The following CA10 variants were observed in gnomAD, a reference collection of about 807,000 sequenced individuals.
CA10 encodes carbonic anhydrase-related protein 10.
A neutral mutation model predicts 44.2 loss-of-function variants in CA10; 14 were observed. That is an observed-to-expected ratio of 0.32 (90% confidence interval 0.21 to 0.50). The LOEUF (loss-of-function observed/expected upper bound fraction) is 0.50. CA10 is among the 20% of genes least tolerant of loss of function. The pLI is 0.99. For synonymous variants in CA10, 159 were observed against 141.6 expected (o/e 1.12, Z -0.87); for missense variants, 350 against 409.7 (o/e 0.85, Z 1.26).
At chr17:51,880,390 C>T (rs569250581) in intron 3 of CA10, among the ~76,000 whole-genome samples, 3 of 152,206 alleles carry the variant, frequency 2.0e-5, no homozygotes, top group African/African-American at 4.8e-5. Flanking sequence ...CACTGCAACC[C>T]CATTTCCAGG....
chr17:51,733,825 G>C (rs1048542409), intron 4 of CA10, among the ~76,000 whole-genome samples: 2 of 152,158 alleles, frequency 1.3e-5, no homozygotes, highest in Admixed American at 1.3e-4. Context: ...AATTCCTGGG[G>C]TTGCTTCCTA....
chr17:51,725,910 C>G (rs1395530065), intron 4 of CA10, among the ~76,000 whole-genome samples: 1 of 152,130 alleles, frequency 6.6e-6, no homozygotes, highest in East Asian at 1.9e-4. Context: ...GGAAGACCCT[C>G]TAGGTACAAA....
chr17:52,006,996 ATAGT>A (rs1985623242), intron 2 of CA10, among the ~76,000 whole-genome samples: 1 of 151,692 alleles, frequency 6.6e-6, no homozygotes, highest in African/African-American at 2.4e-5. Context: ...TATTATGTAC[ATAGT>A]TAGAGGTTCC....
At chr17:51,779,842 C>G (rs900194256) in intron 3 of CA10, among the ~76,000 whole-genome samples, 16 of 152,074 alleles carry the variant, frequency 1.1e-4, no homozygotes, top group Non-Finnish European at 2.2e-4. Context: ...GGGAATGTGC[C>G]TCAGGAGAAG....
chr17:51,970,810 G>A (rs1304081099), intron 2 of CA10, among the ~76,000 whole-genome samples: 1 of 151,912 alleles, frequency 6.6e-6, no homozygotes, highest in Non-Finnish European at 1.5e-5. Flanking sequence ...TAAAAATAAA[G>A]TCACATTTAT....
intron 3 of CA10, among the ~76,000 whole-genome samples, chr17:51,852,252 G>A (rs1303358905): frequency 6.6e-6 from 1 of 152,106 alleles, no homozygotes; most frequent in Admixed American, 6.5e-5. Context: ...GCCCAGTTCC[G>A]TTCAAAGAGA....
chr17:51,786,839 G>C (rs893047074), intron 3 of CA10, among the ~76,000 whole-genome samples: 2 of 151,788 alleles, frequency 1.3e-5, no homozygotes, highest in African/African-American at 2.4e-5. Flanking sequence ...ATTATGGTGA[G>C]GTACGTTCTT....
rs150752123 is a variant in CA10 at position 51,671,682 on chromosome 17, G to A, written c.466-17946C>T. Among the ~76,000 whole-genome samples the A allele has an allele frequency of 2.7e-3, 409 of 152,238 alleles. 1 individual carries two copies. Among genetic ancestry groups the A allele is most frequent in the African/African-American group, 8.1e-3 (337 of 41,548 alleles). On this transcript the variant is annotated intron_variant, in intron 4 of 8. Transcript: ENST00000451037. ...GCCTCCAAAAGTGCTGGGATTACAG[G>A]CATGAGCCACCACGCCCGGCCACAT... is the stretch of plus-strand genomic sequence containing the variant.
At chr17:51,649,689 T>G (rs1007892774) in intron 5 of CA10, among the ~76,000 whole-genome samples, 2 of 152,160 alleles carry the variant, frequency 1.3e-5, no homozygotes, top group Non-Finnish European at 2.9e-5. Context: ...GGCATGCTCA[T>G]GCAAAGACTT....
chr17:52,141,516 A>G (rs910565169), intron 1 of CA10, among the ~76,000 whole-genome samples: 1 of 152,210 alleles, frequency 6.6e-6, no homozygotes, highest in African/African-American at 2.4e-5. Context: ...TTTTTTGTAA[A>G]GAGGCAGAGA....
intron 3 of CA10, among the ~76,000 whole-genome samples, chr17:51,870,371 A>T (rs1979747052): frequency 6.6e-6 from 1 of 152,226 alleles, no homozygotes; most frequent in Admixed American, 6.5e-5. Flanking sequence ...CTCTAAAGTG[A>T]CTTGAGCAAA....
chr17:51,918,316 A>T (rs1229419782), intron 3 of CA10, among the ~76,000 whole-genome samples: 2 of 152,248 alleles, frequency 1.3e-5, no homozygotes, highest in Non-Finnish European at 2.9e-5. Flanking sequence ...CTTAAAAAAA[A>T]TAGTTTCTGA....
chr17:51,864,318 A>T (rs970269842), intron 3 of CA10, among the ~76,000 whole-genome samples: 12 of 152,208 alleles, frequency 7.9e-5, no homozygotes, highest in African/African-American at 2.9e-4. Context: ...CACCCAAAAC[A>T]TGGTAAGTGG....
chr17:51,738,414 G>A (rs1916983995), intron 4 of CA10, among the ~76,000 whole-genome samples: 1 of 152,084 alleles, frequency 6.6e-6, no homozygotes. Flanking sequence ...AATGTGGGCG[G>A]GGGAGATTTA....
chr17:51,786,837 G>A (rs1906308041), intron 3 of CA10, among the ~76,000 whole-genome samples: 1 of 152,008 alleles, frequency 6.6e-6, no homozygotes, highest in South Asian at 2.1e-4. Flanking sequence ...TTATTATGGT[G>A]AGGTACGTTC....
intron 3 of CA10, among the ~76,000 whole-genome samples, chr17:51,829,169 T>C (rs956687654): frequency 6.6e-6 from 1 of 152,240 alleles, no homozygotes; most frequent in African/African-American, 2.4e-5. Flanking sequence ...GTTTGGTTGT[T>C]TACAGAAAAA....
chr17:51,767,725 GC>G (rs1905440783), intron 3 of CA10, among the ~76,000 whole-genome samples: 1 of 151,338 alleles, frequency 6.6e-6, no homozygotes, highest in African/African-American at 2.4e-5. Flanking sequence ...GGAGCCCCGA[GC>G]TTTTTTTTTT....
At chr17:51,845,172 G>T (rs1389843396) in intron 3 of CA10, among the ~76,000 whole-genome samples, 1 of 152,210 alleles carries the variant, frequency 6.6e-6, no homozygotes, top group African/African-American at 2.4e-5. Context: ...ACCTCCAGAT[G>T]TGACAGGGAA....
At chr17:51,702,229 G>T (rs539108897) in intron 4 of CA10, among the ~76,000 whole-genome samples, 4 of 152,138 alleles carry the variant, frequency 2.6e-5, no homozygotes, top group African/African-American at 9.6e-5. Flanking sequence ...AGATATTATG[G>T]TCTCTGCATT....
Sources: gnomAD v4.1 joint callset for allele counts (sites outside exome capture counted in the v4.1 genomes callset) on GRCh38, gnomAD v4.1.1 for gene constraint, MANE v1.5 for transcripts, NCBI Gene and HGNC (gene_info 2026-07-23, HGNC 2026-07-21) for gene names.